CUL1: variants seen among roughly 807,000 people sequenced by gnomAD.
CUL1 encodes cullin 1.
In CUL1, 24 loss-of-function variants were observed where a neutral mutation model predicts 118.0. The observed-to-expected ratio is 0.20, with a 90% CI of 0.15 to 0.29. The LOEUF is 0.29. CUL1 is among the 10% of genes least tolerant of loss of function. The probability of loss-of-function intolerance (pLI) is 1.00; values close to 1 mark genes in which losing one functional copy is unlikely to be tolerated. For synonymous variants in CUL1, 332 were observed against 340.4 expected (o/e 0.98, Z 0.27); for missense variants, 361 against 933.8 (o/e 0.39, Z 7.99).
chr7:148,701,696 A>T (rs1055332781), intron 1 of CUL1, among the ~76,000 whole-genome samples: 2 of 152,200 alleles, frequency 1.3e-5, no homozygotes, highest in Non-Finnish European at 2.9e-5. Context: ...TCTGAGGGCC[A>T]TTCATCAGAA....
At chr7:148,750,502 A>G (rs1211893586) in intron 2 of CUL1, among the ~76,000 whole-genome samples, 1 of 151,526 alleles carries the variant, frequency 6.6e-6, no homozygotes, top group Non-Finnish European at 1.5e-5. Context: ...TCCTGTGTCC[A>G]AGTGTCTTCA....
rs549843663 is a variant in CUL1, at chr7:148,773,556, C to T, written c.1083+5807C>T. ...ATTATAGTTTTATGCTCTGTGGTTT[C>T]GGGCCTAGCCTCTTACCCAGCGAGG... is the stretch of plus-strand genomic sequence containing the variant. On this transcript the variant is annotated intron_variant, in intron 9 of 21. Transcript: ENST00000325222. Among the ~76,000 whole-genome samples, 296 of 152,216 alleles carry T rather than the reference C, an allele frequency of 1.9e-3. 1 individual carries two copies. The highest frequency in any genetic ancestry group is 3.1e-3 in the South Asian group (15 of 4,824).
chr7:148,759,831 C>T lies in CUL1; in HGVS notation c.625+193C>T, dbSNP rs571014618. Among the ~76,000 whole-genome samples the T allele has an allele frequency of 1.6e-4, 25 of 152,148 alleles. No individual in the cohort carries two copies. The East Asian group carries it at 2.9e-3, about 18-fold the overall frequency. On this transcript the variant is annotated intron_variant, in intron 6 of 21. Coordinates refer to ENST00000325222, the MANE Select transcript of CUL1 (RefSeq NM_003592.3). ...TATCCATCATAAAAGCTGTTTGATC[C>T]GTGTGCCTTAAGGAAATTTTGATGA...
At position 148,730,060 on chromosome 7, in the gene CUL1, G is replaced by C; in HGVS notation, c.-63G>C. 4 of 1,544,116 alleles carry C rather than the reference G, an allele frequency of 2.6e-6. No homozygotes were observed. In the Admixed American group the frequency reaches 7.6e-5, roughly 29 times the overall value. ...ATGGTACTGTATATTTTCATCTAATGGAGAACTAGCTGTACTTTGAATAAG... is the reference window on the plus strand; with the variant it reads ...ATGGTACTGTATATTTTCATCTAATCGAGAACTAGCTGTACTTTGAATAAG... On this transcript the variant is annotated 5_prime_UTR_variant, in exon 2 of 22. It removes an upstream start codon present in the reference 5' UTR. Transcript: ENST00000325222.
Position 148,783,986 on chromosome 7 carries a change from A to G in CUL1, c.1207A>G (p.Ile403Val), listed in dbSNP as rs2129462589. 1 of 1,614,184 alleles carries G rather than the reference A, an allele frequency of 6.2e-7. No homozygotes were observed. Among genetic ancestry groups the G allele is most frequent in the East Asian group, 2.2e-5 (1 of 44,886 alleles). ...TGTAACGCAGGCTTGTGGTCGCTTC[A>G]TAAACAACAACGCGGTTACCAAGAT... ...AALDKACGRF[I>V]NNNAVTKMAQ... The change falls in exon 11 of 22, where the codon ATA becomes GTA. Residue 403 changes from isoleucine (I) to valine (V), a missense_variant. By Grantham distance (29) the Ile-to-Val change is conservative. Transcript: ENST00000325222.
intron 2 of CUL1, among the ~76,000 whole-genome samples, chr7:148,740,625 T>C (rs1471599571): frequency 6.6e-6 from 1 of 152,226 alleles, no homozygotes; most frequent in Non-Finnish European, 1.5e-5. Flanking sequence ...ATGGACTTAA[T>C]TGTGCCTCTC....
At chr7:148,708,521 C>G (rs1286942380) in intron 1 of CUL1, among the ~76,000 whole-genome samples, 2 of 152,248 alleles carry the variant, frequency 1.3e-5, no homozygotes, top group African/African-American at 4.8e-5. Flanking sequence ...CTGCTTCATT[C>G]AGGACTTGCC....
intron 1 of CUL1, among the ~76,000 whole-genome samples, chr7:148,722,980 GT>G (rs1798443088): frequency 6.6e-6 from 1 of 152,212 alleles, no homozygotes; most frequent in African/African-American, 2.4e-5. Context: ...TGTCTTTTCT[GT>G]CCCTCCCCAC....
intron 1 of CUL1, among the ~76,000 whole-genome samples, chr7:148,707,389 G>C (rs1797917485): frequency 6.6e-6 from 1 of 151,962 alleles, no homozygotes; most frequent in African/African-American, 2.4e-5. Context: ...TACTATCAGA[G>C]GAATTATATT....
intron 8 of CUL1, 146 bp downstream of exon 8, chr7:148,766,869 A>G: frequency 1.4e-6 from 1 of 712,912 alleles, no homozygotes; most frequent in Non-Finnish European, 2.3e-6. Context: ...GTTATGTGCC[A>G]ATTTCAGACT....
chr7:148,783,791 A>C lies in CUL1; in HGVS notation c.1092A>C (p.Lys364Asn). 1 of 1,614,114 alleles carries C rather than the reference A, an allele frequency of 6.2e-7. No individual in the cohort carries two copies. The highest frequency in any genetic ancestry group is 2.2e-5 in the East Asian group (1 of 44,882). ...TTCTGCCCCCATTTAAGGACCCCAAAATGTATGTACAGACAGTGCTTGATG... is the reference window on the plus strand; with the variant it reads ...TTCTGCCCCCATTTAAGGACCCCAACATGTATGTACAGACAGTGCTTGATG... ...KCGEAALNDPKMYVQTVLDVH... is the reference protein window; with the variant it reads ...KCGEAALNDPNMYVQTVLDVH... Residue 364 changes from lysine (K) to asparagine (N), a missense_variant, in exon 10 of 22, where the codon AAA becomes AAC. By Grantham distance (94) the Lys-to-Asn change is moderately conservative (BLOSUM62 0). This residue lies in a region of CUL1 where 169 missense variants were observed against 429.7 expected (regional missense o/e 0.39). Transcript: ENST00000325222.
intron 2 of CUL1, among the ~76,000 whole-genome samples, chr7:148,733,252 C>T (rs999640438): frequency 6.6e-6 from 1 of 152,202 alleles, no homozygotes; most frequent in Non-Finnish European, 1.5e-5. Context: ...TTTTGATTAA[C>T]TCTTCAATGT....
intron 7 of CUL1, among the ~76,000 whole-genome samples, chr7:148,763,804 A>G (rs1183191667): frequency 6.6e-6 from 1 of 152,220 alleles, no homozygotes; most frequent in African/African-American, 2.4e-5. Context: ...TTTACATTAC[A>G]ACAAACATTC....
rs777911737 is a variant in CUL1, at chr7:148,798,027, A to G, written c.2030+8A>G. 7 of 1,527,732 alleles carry G rather than the reference A, an allele frequency of 4.6e-6. No homozygotes were observed. The highest frequency in any genetic ancestry group is 5.4e-6 in the Non-Finnish European group (6 of 1,105,710). 94.6% of individuals were successfully genotyped at this position (1,527,732 alleles called of 1,614,324 possible). A position where few individuals can be genotyped will look rare whatever the true frequency, so the allele number is the denominator to read the frequency against. Reference sequence around the variant, plus strand: ...ATATCTTGGTTATAAAAAGTAAGAAAAATCTAATAAGTAGATGGCCCTTGA... The same window carrying G: ...ATATCTTGGTTATAAAAAGTAAGAAGAATCTAATAAGTAGATGGCCCTTGA... On this transcript the variant is annotated splice_region_variant and intron_variant, in intron 19 of 21. Transcript: ENST00000325222.
intron 1 of CUL1, among the ~76,000 whole-genome samples, chr7:148,718,893 G>A (rs767958155): frequency 3.9e-5 from 6 of 152,146 alleles, no homozygotes; most frequent in Non-Finnish European, 8.8e-5. Flanking sequence ...AATTTGACTT[G>A]GAATTCGTTA....
intron 1 of CUL1, among the ~76,000 whole-genome samples, chr7:148,715,495 T>G (rs1316074430): frequency 6.6e-6 from 1 of 152,200 alleles, no homozygotes; most frequent in Non-Finnish European, 1.5e-5. Context: ...GAGCCTCCTT[T>G]GGCTTGCCTT....
chr7:148,784,168 A>C, intron 11 of CUL1, 91 bp downstream of exon 11: 1 of 1,022,848 alleles, frequency 9.8e-7, no homozygotes, highest in Non-Finnish European at 1.5e-6. Context: ...TTTTACATAC[A>C]TTAAATTGGA....
At chr7:148,698,277 A>T (rs2129458619), upstream of CUL1, 1 of 151,360 alleles carries the variant, frequency 6.6e-6, no homozygotes, top group Non-Finnish European at 1.5e-5. Context: ...GTCAGGTTCC[A>T]GGCAAGCTGG....
Position 148,800,242 on chromosome 7 carries a change from A to C in CUL1, c.2251-260A>C, listed in dbSNP as rs566855351. On this transcript the variant is annotated intron_variant, in intron 21 of 21. Transcript: ENST00000325222. The surrounding 1 kb of genome is among the most constrained non-coding windows in gnomAD (Gnocchi z 4.6). ...GGGAGACTGGCCCACGGGGCTCCCG[A>C]AGCACCTGACTCCAGTTCCTAGGGC... Among the ~76,000 whole-genome samples, 7 of 152,318 alleles carry C rather than the reference A, an allele frequency of 4.6e-5. No individual in the cohort carries two copies. In the East Asian group the frequency reaches 1.2e-3, roughly 25 times the overall value.
Sources: allele counts gnomAD v4.1 joint callset (sites outside exome capture counted in the v4.1 genomes callset), GRCh38; gene constraint gnomAD v4.1.1; regional missense constraint gnomAD v4.1.1; non-coding constraint Gnocchi (gnomAD v3.1); transcripts MANE v1.5; gene names NCBI Gene and HGNC (gene_info 2026-07-23, HGNC 2026-07-21).